Variants in NRBP1 observed in about 807,000 individuals in gnomAD.
NRBP1 encodes nuclear receptor binding protein 1, also known as nuclear receptor-binding protein.
In NRBP1, 10 loss-of-function variants were observed where a neutral mutation model predicts 76.0. The observed-to-expected ratio is 0.13, with a 90% CI of 0.08 to 0.22. NRBP1 has a LOEUF of 0.22. Among genes scored for constraint, NRBP1 ranks in the 10% least tolerant of loss-of-function variants. The probability of loss-of-function intolerance (pLI) is 1.00; values close to 1 mark genes in which losing one functional copy is unlikely to be tolerated. For synonymous variants in NRBP1, 235 were observed against 240.2 expected (o/e 0.98, Z 0.20); for missense variants, 344 against 646.0 (o/e 0.53, Z 5.07).
upstream of NRBP1, chr2:27,428,304 T>G: frequency 3.6e-5 from 7 of 196,130 alleles, no homozygotes; most frequent in Non-Finnish European, 6.2e-5. Flanking sequence ...TTTCGCTCCT[T>G]TTGTCTTTTC....
intron 1 of NRBP1, among the ~76,000 whole-genome samples, chr2:27,432,686 T>G (rs1664153881): frequency 6.6e-6 from 1 of 151,988 alleles, no homozygotes; most frequent in Non-Finnish European, 1.5e-5. Context: ...CAAGTGATTC[T>G]CCCATCAGCC....
chr2:27,429,650 G>A (rs1664025176), intron 1 of NRBP1, among the ~76,000 whole-genome samples: 1 of 152,104 alleles, frequency 6.6e-6, no homozygotes, highest in African/African-American at 2.4e-5. Context: ...GAGTAGTGCT[G>A]GAGAATCTTG....
Position 27,441,962 on chromosome 2 carries a change from G to A in NRBP1, c.*150G>A, listed in dbSNP as rs1664596880. ...GGCTGGGGGGGCTCCCTGGTTCTGA[G>A]CATCATCCTTTCCCCTCCCCTCTCT... is the stretch of plus-strand genomic sequence containing the variant. On this transcript the variant is annotated 3_prime_UTR_variant, in exon 18 of 18. Coordinates refer to ENST00000379852, the MANE Select transcript of NRBP1 (RefSeq NM_013392.4). 1.6e-6 allele frequency: 1 copy of A among 620,962 alleles called. No homozygotes were observed. Among genetic ancestry groups the A allele is most frequent in the African/African-American group, 1.8e-5 (1 of 54,568 alleles). 38.5% of individuals were successfully genotyped at this position (620,962 alleles called of 1,614,324 possible).
In NRBP1 at chr2:27,436,746, C is replaced by T. The variant is rs757571315; in HGVS notation, c.662-7C>T. ...GGTCAGATTGTGGGTGTCTCCCCTA[C>T]TCCCAGTGGCTCCTGACACTATCAA... On this transcript the variant is annotated splice_region_variant and splice_polypyrimidine_tract_variant and intron_variant, in intron 7 of 17. Transcript: ENST00000379852. 6 of 1,612,166 alleles carry T rather than the reference C, an allele frequency of 3.7e-6. No individual in the cohort carries two copies. In the South Asian group the frequency reaches 5.5e-5, roughly 15 times the overall value.
At position 27,441,988 on chromosome 2, in the gene NRBP1, T is replaced by C; in HGVS notation, c.*176T>C. ...CATCATCCTTTCCCCTCCCCTCTCT[T>C]CCTCCCCTCTGCACTTTGTTTACTT... On this transcript the variant is annotated 3_prime_UTR_variant, in exon 18 of 18. Coordinates refer to ENST00000379852, the MANE Select transcript of NRBP1 (RefSeq NM_013392.4). 1.7e-6 allele frequency: 1 copy of C among 590,612 alleles called. No individual in the cohort carries two copies. The highest frequency in any genetic ancestry group is 3.0e-6 in the Non-Finnish European group (1 of 333,080). The allele number at this position is 590,612 out of a possible 1,614,324, so 36.6% of individuals were successfully genotyped here.
intron 7 of NRBP1, chr2:27,435,761 T>C (rs1396161049): frequency 2.8e-6 from 2 of 717,488 alleles, no homozygotes; most frequent in Admixed American, 2.0e-5. Context: ...GAGCTCCCTC[T>C]GCCCCACTTG....
At chr2:27,441,435 C>T (rs1558341164) in intron 16 of NRBP1, 105 bp downstream of exon 16, 6 of 1,410,214 alleles carry the variant, frequency 4.3e-6, no homozygotes, top group South Asian at 1.2e-5. Flanking sequence ...CATTGACTCA[C>T]ATAGAATGAC....
intron 7 of NRBP1, chr2:27,435,958 AC>A (rs1664290582): frequency 3.3e-6 from 2 of 605,774 alleles, no homozygotes; most frequent in Non-Finnish European, 5.9e-6. Context: ...CTGGCCACTT[AC>A]CTCCTGGATT....
chr2:27,439,719 T>G lies in NRBP1; in HGVS notation c.904-47T>G, dbSNP rs147409021. The G allele has an allele frequency of 9.8e-4, 1,584 of 1,611,038 alleles. 18 individuals are homozygous for G. In the African/African-American group the frequency reaches 0.019, roughly 20 times the overall value. ...ATGAGAGCTATAAAGATGAACACAC[T>G]GGGGGCTTGCCAGATGCCTGCTCCA... is the stretch of plus-strand genomic sequence containing the variant. On this transcript the variant is annotated intron_variant, in intron 10 of 17. Transcript: ENST00000379852.
intron 16 of NRBP1, 26 bp from the exon 17 acceptor site, chr2:27,441,541 C>G (rs774928494): frequency 4.2e-5 from 67 of 1,613,236 alleles, no homozygotes; most frequent in Non-Finnish European, 4.6e-5. Context: ...CCGTACTGTA[C>G]TCACCCCCTC....
chr2:27,435,152 C>T lies in NRBP1; in HGVS notation c.586C>T (p.Pro196Ser). 2 of 1,613,910 alleles carry T rather than the reference C, an allele frequency of 1.2e-6. No individual in the cohort carries two copies. The highest frequency in any genetic ancestry group is 1.1e-5 in the South Asian group (1 of 91,072). Reference sequence around the variant, plus strand: ...CCACAGCTACCTGCACTCCTGTGACCCCCCCATCATCCATGGGAACCTGAC... The same window carrying T: ...CCACAGCTACCTGCACTCCTGTGACTCCCCCATCATCCATGGGAACCTGAC... ...SALSYLHSCD[P>S]PIIHGNLTCD... The change falls in exon 7 of 18, where the codon CCC becomes TCC. Residue 196 changes from proline (P) to serine (S), a missense_variant. By Grantham distance (74) the Pro-to-Ser change is moderately conservative (BLOSUM62 -1). This residue lies in a region of NRBP1 where 73 missense variants were observed against 287.8 expected (regional missense o/e 0.25). Coordinates refer to ENST00000379852, the MANE Select transcript of NRBP1 (RefSeq NM_013392.4).
At chr2:27,434,853 C>A in intron 6 of NRBP1, 91 bp downstream of exon 6, 1 of 1,301,748 alleles carries the variant, frequency 7.7e-7, no homozygotes, top group Non-Finnish European at 1.1e-6. Flanking sequence ...TTCTATTCTG[C>A]CTCTCCCCAC....
At chr2:27,441,362 A>T (rs755112755) in intron 16 of NRBP1, 32 bp downstream of exon 16, 3 of 1,592,946 alleles carry the variant, frequency 1.9e-6, no homozygotes, top group Non-Finnish European at 1.7e-6. Flanking sequence ...GAGGATGGAG[A>T]GTCTATGAGC....
intron 11 of NRBP1, 179 bp from the exon 12 acceptor site, chr2:27,440,224 C>G (rs759620433): frequency 5.1e-6 from 3 of 587,188 alleles, no homozygotes; most frequent in Non-Finnish European, 9.1e-6. Flanking sequence ...GTTGGCCAGG[C>G]TGGTCTTGAA....
intron 1 of NRBP1, among the ~76,000 whole-genome samples, chr2:27,430,532 C>T (rs1486201922): frequency 6.6e-6 from 1 of 150,712 alleles, no homozygotes; most frequent in Non-Finnish European, 1.5e-5. Context: ...GCAGTGGCGC[C>T]ATCTGGGCTC....
chr2:27,435,312 G>A (rs1276607644), intron 7 of NRBP1, 85 bp downstream of exon 7: 1 of 1,176,926 alleles, frequency 8.5e-7, no homozygotes, highest in Non-Finnish European at 1.2e-6. Context: ...GGGGATAACA[G>A]AGCAAAATTC....
rs1281034833 is a variant in NRBP1 at position 27,437,418 on chromosome 2, T to A, written c.903+58T>A. The A allele has an allele frequency of 2.3e-6, 3 of 1,307,680 alleles. No homozygotes were observed. The East Asian group carries it at 6.9e-5, about 30-fold the overall frequency. 81.0% of individuals were successfully genotyped at this position (1,307,680 alleles called of 1,614,324 possible). On this transcript the variant is annotated intron_variant, in intron 10 of 17. Transcript: ENST00000379852. Reference sequence around the variant, plus strand: ...TGACCTTCAAATGTCTTCTGGTTTTTCTTCCTTTGTACCCACTGGGTATAT... The same window carrying A: ...TGACCTTCAAATGTCTTCTGGTTTTACTTCCTTTGTACCCACTGGGTATAT...
chr2:27,436,634 T>G, intron 7 of NRBP1, 119 bp from the exon 8 acceptor site: 1 of 777,326 alleles, frequency 1.3e-6, no homozygotes, highest in Non-Finnish European at 2.3e-6. Flanking sequence ...TGTTTGTGCC[T>G]GTTGAGGGTC....
rs1664587737 is a variant in NRBP1 at position 27,441,855 on chromosome 2, T to C, written c.*43T>C. 1.6e-6 allele frequency: 2 copies of C among 1,225,788 alleles called. No homozygotes were observed. The highest frequency in any genetic ancestry group is 2.4e-6 in the Non-Finnish European group (2 of 840,152). The allele number at this position is 1,225,788 out of a possible 1,614,324, so 75.9% of individuals were successfully genotyped here. A position where few individuals can be genotyped will look rare whatever the true frequency, so the allele number is the denominator to read the frequency against. ...CCCTGATCTGCGCTGTGGCTGTCCC[T>C]GGACGTGCTGCAGCCCTCCTGTCCC... is the stretch of plus-strand genomic sequence containing the variant. On this transcript the variant is annotated 3_prime_UTR_variant, in exon 18 of 18. Transcript: ENST00000379852.
Sources: gnomAD v4.1 joint callset for allele counts (sites outside exome capture counted in the v4.1 genomes callset) on GRCh38, gnomAD v4.1.1 for gene constraint, gnomAD v4.1.1 regional missense constraint, MANE v1.5 for transcripts, NCBI Gene and HGNC (gene_info 2026-07-23, HGNC 2026-07-21) for gene names.